ARFGAP1: variants seen among roughly 807,000 people sequenced by gnomAD.
ARFGAP1 encodes the protein ADP-ribosylation factor GTPase-activating protein 1.
Under a neutral mutation model 54.0 loss-of-function variants are expected in ARFGAP1, and 26 were observed. The ratio of observed to expected loss-of-function variants is 0.48; its 90% CI spans 0.35 to 0.67. The LOEUF (loss-of-function observed/expected upper bound fraction) is 0.67, where lower values mean the gene tolerates loss of function less well. Ranked by LOEUF, ARFGAP1 falls within the 30% of genes least tolerant of loss-of-function variation. ARFGAP1 has a pLI of 0.00. For missense variants in ARFGAP1, 525 were observed against 535.8 expected (o/e 0.98, Z 0.20); for synonymous variants, 248 against 211.9 (o/e 1.17, Z -1.48).
intron 8 of ARFGAP1, among the ~76,000 whole-genome samples, chr20:63,282,451 T>C (rs939225087): frequency 3.3e-5 from 5 of 152,204 alleles, no homozygotes; most frequent in Non-Finnish European, 7.3e-5. Context: ...GGTGGCACTG[T>C]CCATTGAAGA....
At chr20:63,278,672 C>G (rs77333411) in intron 6 of ARFGAP1, 34,932 of 561,408 alleles carry the variant, frequency 0.062, 1,379 homozygotes, top group Middle Eastern at 0.078. Flanking sequence ...CTGTGGCTGG[C>G]TTTGGGGACT....
chr20:63,286,105 C>A (rs1169951796), intron 11 of ARFGAP1: 30 of 1,550,154 alleles, frequency 1.9e-5, no homozygotes, highest in Non-Finnish European at 2.6e-5. Context: ...AGGCCTCGCT[C>A]CTCCCCCCCA....
intron 9 of ARFGAP1, chr20:63,284,251 G>A (rs942667709): frequency 7.7e-6 from 9 of 1,173,428 alleles, no homozygotes; most frequent in Admixed American, 4.3e-5. Context: ...TCCCTTGAAC[G>A]CAGTGCAAAG....
At chr20:63,274,222 C>T (rs1379563824) in intron 1 of ARFGAP1, 1 of 132,874 alleles carries the variant, frequency 7.5e-6, no homozygotes, top group South Asian at 2.5e-4. Flanking sequence ...TGTTTATTTC[C>T]TAACTTTGAA....
rs935526724 is a variant in ARFGAP1 at position 63,288,378 on chromosome 20, C to T, written c.*505C>T. The stretch of plus-strand genomic sequence containing the variant: ...ATGCTGGAAATGATACTGGCGCTCA[C>T]GCTGCCATCCGACCACCCTCGGCTC... On this transcript the variant is annotated 3_prime_UTR_variant, in exon 13 of 13. Coordinates refer to ENST00000370283, the MANE Select transcript of ARFGAP1 (RefSeq NM_018209.4). 4.8e-5 allele frequency: 22 copies of T among 456,302 alleles called. No homozygotes were observed. The highest frequency in any genetic ancestry group is 2.0e-4 in the African/African-American group (10 of 50,090). The allele number at this position is 456,302 out of a possible 1,614,324, so 28.3% of individuals were successfully genotyped here.
chr20:63,285,022 C>G (rs990807961), intron 10 of ARFGAP1, 100 bp downstream of exon 10: 23 of 1,416,574 alleles, frequency 1.6e-5, no homozygotes, highest in South Asian at 2.4e-5. Context: ...GCAGCTGGGA[C>G]TCAGCGAGGC....
chr20:63,285,239 C>T lies in ARFGAP1; in HGVS notation c.774+317C>T, dbSNP rs370482222. Among the ~76,000 whole-genome samples, 33 of 152,240 alleles carry T rather than the reference C, an allele frequency of 2.2e-4. 1 individual carries two copies. The South Asian group carries it at 5.4e-3, about 25-fold the overall frequency. ...CCCCAGCCCACCTCCGTTCCTCTGC[C>T]TCACCCCCACAGCTGGCCGCGGAGC... On this transcript the variant is annotated intron_variant, in intron 10 of 12. Coordinates refer to ENST00000370283, the MANE Select transcript of ARFGAP1 (RefSeq NM_018209.4).
chr20:63,284,597 C>T lies in ARFGAP1; in HGVS notation c.718-269C>T, dbSNP rs548933479. 1,005 of 1,325,982 alleles carry T rather than the reference C, an allele frequency of 7.6e-4. 3 individuals are homozygous for T. The African/African-American group carries it at 0.012, about 16-fold the overall frequency. The allele number at this position is 1,325,982 out of a possible 1,614,324, so 82.1% of individuals were successfully genotyped here. ...TCCCACCAGCCCGGCCCGGCAGGGC[C>T]GCATGGTGGCGCGTGAGGGAGGACC... On this transcript the variant is annotated intron_variant, in intron 9 of 12. Coordinates refer to ENST00000370283, the MANE Select transcript of ARFGAP1 (RefSeq NM_018209.4).
chr20:63,289,344 TG>T lies in ARFGAP1; in HGVS notation c.*1474del, dbSNP rs1303286914. 1 of 151,906 alleles carries T rather than the reference TG, an allele frequency of 6.6e-6. No individual in the cohort carries two copies. Among genetic ancestry groups the T allele is most frequent in the African/African-American group, 2.4e-5 (1 of 41,288 alleles). The allele number at this position is 151,906 out of a possible 1,614,324, so 9.4% of individuals were successfully genotyped here. A position where few individuals can be genotyped will look rare whatever the true frequency, so the allele number is the denominator to read the frequency against. ...GAGTGTCTTTCTCCAAGCTGAGACG[TG>T]GGCGGCCGCGTGGTATCTCCCGAGG... On this transcript the variant is annotated 3_prime_UTR_variant, in exon 13 of 13. Coordinates refer to ENST00000370283, the MANE Select transcript of ARFGAP1 (RefSeq NM_018209.4).
At chr20:63,275,237 C>T (rs917012923) in intron 1 of ARFGAP1, among the ~76,000 whole-genome samples, 1 of 152,246 alleles carries the variant, frequency 6.6e-6, no homozygotes, top group African/African-American at 2.4e-5. Context: ...AAGACTACCC[C>T]TTGCTGTGGA....
At chr20:63,278,079 C>G in intron 5 of ARFGAP1, 38 bp from the exon 6 acceptor site, 6 of 1,600,734 alleles carry the variant, frequency 3.7e-6, no homozygotes, top group Non-Finnish European at 5.1e-6. Context: ...AGACTTCACC[C>G]AGTTTTGGCC....
At chr20:63,282,990 G>A in intron 9 of ARFGAP1, 139 bp downstream of exon 9, 1 of 936,280 alleles carries the variant, frequency 1.1e-6, no homozygotes, top group Non-Finnish European at 1.7e-6. Flanking sequence ...GTAGAAGGGG[G>A]TGTTCCTGCC....
chr20:63,283,054 C>T (rs2067428422), intron 9 of ARFGAP1: 2 of 602,364 alleles, frequency 3.3e-6, no homozygotes, highest in African/African-American at 3.7e-5. Flanking sequence ...CACTCAGGGC[C>T]TGCAGGGCCA....
Position 63,278,890 on chromosome 20 carries a change from T to G in ARFGAP1, c.531-9T>G. 6.2e-7 allele frequency: 1 copy of G among 1,614,066 alleles called. No individual in the cohort carries two copies. On this transcript the variant is annotated splice_polypyrimidine_tract_variant and intron_variant, in intron 6 of 12. Transcript: ENST00000370283. ...AGCATCTTCGGCCTCTTGTCCGCTT[T>G]GTTTTCAGGGCCCAGGGGAATCGCT...
Position 63,288,063 on chromosome 20 carries a change from G to C in ARFGAP1, c.*190G>C. 1.4e-6 allele frequency: 1 copy of C among 690,628 alleles called. No homozygotes were observed. The highest frequency in any genetic ancestry group is 2.4e-6 in the Non-Finnish European group (1 of 419,256). The allele number at this position is 690,628 out of a possible 1,614,324, so 42.8% of individuals were successfully genotyped here. A position where few individuals can be genotyped will look rare whatever the true frequency, so the allele number is the denominator to read the frequency against. ...GCGTGGGGAGTCTTCGGTGCGTGGG[G>C]GCGGCTTGCTGTCCAGCCTGTGTGG... On this transcript the variant is annotated 3_prime_UTR_variant, in exon 13 of 13. Transcript: ENST00000370283.
intron 8 of ARFGAP1, 66 bp downstream of exon 8, chr20:63,281,413 C>T: frequency 6.6e-7 from 1 of 1,521,102 alleles, no homozygotes. Context: ...TGCTGCTGGC[C>T]TGGGGTTCTG....
chr20:63,289,551 T>C lies in ARFGAP1; in HGVS notation c.*1678T>C, dbSNP rs2067657571. The stretch of plus-strand genomic sequence containing the variant: ...TCGGGGGTAGGGGGACGGCCCACTC[T>C]GCCCCAGGGAGTCCCTTTTGATGGG... On this transcript the variant is annotated 3_prime_UTR_variant, in exon 13 of 13. Coordinates refer to ENST00000370283, the MANE Select transcript of ARFGAP1 (RefSeq NM_018209.4). 6.6e-6 allele frequency: 1 copy of C among 152,260 alleles called. No individual in the cohort carries two copies. Among genetic ancestry groups the C allele is most frequent in the Non-Finnish European group, 1.5e-5 (1 of 68,068 alleles). The allele number at this position is 152,260 out of a possible 1,614,324, so 9.4% of individuals were successfully genotyped here.
chr20:63,285,120 C>T (rs2067495280), intron 10 of ARFGAP1, among the ~76,000 whole-genome samples, 198 bp downstream of exon 10: 1 of 152,070 alleles, frequency 6.6e-6, no homozygotes, highest in African/African-American at 2.4e-5. Flanking sequence ...CTTCCCCTGG[C>T]CTAGGGCCTC....
rs759462873 is a variant in ARFGAP1 at position 63,276,638 on chromosome 20, T to G, written c.329T>G (p.Leu110Arg). ...QEKYNSRAAA[L>R]FRDKVVALAE... is the part of the protein sequence containing the mutation. Reference sequence around the variant, plus strand: ...AAGTACAACAGCAGAGCCGCGGCCCTCTTTAGGGATAAGGTAGAGATGGGC... The same window carrying G: ...AAGTACAACAGCAGAGCCGCGGCCCGCTTTAGGGATAAGGTAGAGATGGGC... The change falls in exon 4 of 13, where the codon CTC becomes CGC. Residue 110 changes from leucine (L) to arginine (R), a missense_variant. Coordinates refer to ENST00000370283, the MANE Select transcript of ARFGAP1 (RefSeq NM_018209.4). This position sits in a 1 kb window ranked among gnomAD's most constrained non-coding sequence, Gnocchi z 5.2. 6.2e-7 allele frequency: 1 copy of G among 1,610,180 alleles called. No individual in the cohort carries two copies. Among genetic ancestry groups the G allele is most frequent in the East Asian group, 2.2e-5 (1 of 44,852 alleles).
Sources: gnomAD v4.1 joint callset for allele counts (sites outside exome capture counted in the v4.1 genomes callset) on GRCh38, gnomAD v4.1.1 for gene constraint, Gnocchi (gnomAD v3.1) non-coding constraint, MANE v1.5 for transcripts, NCBI Gene and HGNC (gene_info 2026-07-23, HGNC 2026-07-21) for gene names.